The following FLRT2 variants were observed in gnomAD, a reference collection of about 807,000 sequenced individuals.
FLRT2 encodes fibronectin leucine rich transmembrane protein 2.
Under a neutral mutation model 40.0 loss-of-function variants are expected in FLRT2, and 15 were observed. The observed-to-expected ratio is 0.38, with a 90% CI of 0.25 to 0.58. FLRT2 has a LOEUF of 0.58. Ranked by LOEUF, FLRT2 falls within the 20% of genes least tolerant of loss-of-function variation. FLRT2 has a pLI of 0.71. For missense variants in FLRT2, 726 were observed against 840.0 expected (o/e 0.86, Z 1.68); for synonymous variants, 380 against 336.8 (o/e 1.13, Z -1.41).
At chr14:85,611,087 G>A (rs752617193) in intron 1 of FLRT2, among the ~76,000 whole-genome samples, 37 of 152,064 alleles carry the variant, frequency 2.4e-4, no homozygotes, top group Admixed American at 9.8e-4. Context: ...GTAGAGACAG[G>A]GTTTCACCAT....
At chr14:85,587,956 G>T (rs1192094742) in intron 1 of FLRT2, among the ~76,000 whole-genome samples, 1 of 151,790 alleles carries the variant, frequency 6.6e-6, no homozygotes, top group Non-Finnish European at 1.5e-5. Flanking sequence ...TTTTGAGATG[G>T]AGTCTTGCTC....
At chr14:85,600,146 T>C (rs17713019) in intron 1 of FLRT2, among the ~76,000 whole-genome samples, 3,262 of 152,288 alleles carry the variant, frequency 0.021, 59 homozygotes, top group South Asian at 0.081. Context: ...AATGATTCAT[T>C]TGGGCGATAA....
Position 85,592,771 on chromosome 14 carries a change from A to G in FLRT2, c.-376-28368A>G, listed in dbSNP as rs540217509. 2.5e-3 allele frequency among the ~76,000 whole-genome samples: 345 copies of G among 138,618 alleles called. 7 individuals are homozygous for G. The highest frequency in any genetic ancestry group is 3.1e-3 in the Admixed American group (40 of 12,944). The allele number at this position is 138,618 out of a possible 152,430, so 90.9% of individuals were successfully genotyped here. Reference sequence around the variant, plus strand: ...CCCATTGCACTCCAGCCTGGGTGACAGGAGCGAAACTCCGTCTCAAAAAAA... The same window carrying G: ...CCCATTGCACTCCAGCCTGGGTGACGGGAGCGAAACTCCGTCTCAAAAAAA... On this transcript the variant is annotated intron_variant, in intron 1 of 1. Transcript: ENST00000330753.
intron 1 of FLRT2, chr14:85,562,619 T>TTTTTTTG (rs1890408497): frequency 9.3e-6 from 1 of 106,964 alleles, no homozygotes; most frequent in Non-Finnish European, 1.8e-5. Flanking sequence ...TTTCTTTCTT[T>TTTTTTTG]CTTTTTTTTT....
intron 1 of FLRT2, among the ~76,000 whole-genome samples, chr14:85,542,726 GC>G (rs1472364459): frequency 6.6e-6 from 1 of 152,148 alleles, no homozygotes; most frequent in Non-Finnish European, 1.5e-5. Context: ...GTCCAGTGGT[GC>G]TGACAGCAAT....
intron 1 of FLRT2, among the ~76,000 whole-genome samples, chr14:85,585,567 A>G (rs910452297): frequency 1.6e-4 from 25 of 152,168 alleles, no homozygotes; most frequent in African/African-American, 5.8e-4. Flanking sequence ...TAATCTCAGC[A>G]CACAGAAAGA....
rs1032473262 is a variant in FLRT2, at chr14:85,652,487, T to G, written c.*28990T>G. ...ATAGGAAAATTCTTTTTTGAGAATT[T>G]TTTTCTTATAACGTTCTTCATCTGA... On this transcript the variant is annotated 3_prime_UTR_variant, in exon 2 of 2. Transcript: ENST00000330753. 2 of 152,014 alleles carry G rather than the reference T, an allele frequency of 1.3e-5. No individual in the cohort carries two copies. Among genetic ancestry groups the G allele is most frequent in the Non-Finnish European group, 2.9e-5 (2 of 67,984 alleles). The allele number at this position is 152,014 out of a possible 1,614,324, so 9.4% of individuals were successfully genotyped here. A position where few individuals can be genotyped will look rare whatever the true frequency, so the allele number is the denominator to read the frequency against.
intron 1 of FLRT2, among the ~76,000 whole-genome samples, chr14:85,572,945 C>T (rs1054961379): frequency 6.6e-6 from 1 of 152,070 alleles, no homozygotes; most frequent in Non-Finnish European, 1.5e-5. Context: ...GTTTTTGTCA[C>T]TCACTACTTT....
rs1047797269 is a variant in FLRT2, at chr14:85,633,369, G to A, written c.*9872G>A. The A allele has an allele frequency of 3.3e-5, 5 of 152,102 alleles. No homozygotes were observed. Among genetic ancestry groups the A allele is most frequent in the Non-Finnish European group, 7.4e-5 (5 of 68,022 alleles). 9.4% of individuals were successfully genotyped at this position (152,102 alleles called of 1,614,324 possible). On this transcript the variant is annotated 3_prime_UTR_variant, in exon 2 of 2. Transcript: ENST00000330753. ...GAAAGAGAACAGACTTCTTTATAAT[G>A]TAGCATATATTCTATCTGGTTGCTA...
rs1419786012 is a variant in FLRT2 at position 85,632,323 on chromosome 14, T to G, written c.*8826T>G. 1.3e-5 allele frequency: 2 copies of G among 151,592 alleles called. No homozygotes were observed. The highest frequency in any genetic ancestry group is 4.8e-5 in the African/African-American group (2 of 41,290). The allele number at this position is 151,592 out of a possible 1,614,324, so 9.4% of individuals were successfully genotyped here. ...TGTCTCTACTAAAAATACAAAAAAT[T>G]TAGCCGGGCTTGGTGGTGCGTGCCT... On this transcript the variant is annotated 3_prime_UTR_variant, in exon 2 of 2. Coordinates refer to ENST00000330753, the MANE Select transcript of FLRT2 (RefSeq NM_013231.6).
chr14:85,533,040 G>A (rs1367671391), intron 1 of FLRT2, among the ~76,000 whole-genome samples: 3 of 152,194 alleles, frequency 2.0e-5, no homozygotes, highest in African/African-American at 7.2e-5. Flanking sequence ...TTTCAGAGAG[G>A]ACAGGGTTAA....
intron 1 of FLRT2, among the ~76,000 whole-genome samples, chr14:85,554,427 G>C (rs1889832240): frequency 6.6e-6 from 1 of 152,202 alleles, no homozygotes; most frequent in Non-Finnish European, 1.5e-5. Flanking sequence ...AGGATGTACA[G>C]TATTTTCATT....
At chr14:85,565,995 A>C (rs1890599985) in intron 1 of FLRT2, among the ~76,000 whole-genome samples, 1 of 152,100 alleles carries the variant, frequency 6.6e-6, no homozygotes, top group East Asian at 1.9e-4. Flanking sequence ...GTCAACTGCC[A>C]CCCCTCCCAC....
At chr14:85,565,561 T>A (rs1890580681) in intron 1 of FLRT2, among the ~76,000 whole-genome samples, 1 of 152,212 alleles carries the variant, frequency 6.6e-6, no homozygotes, top group Admixed American at 6.5e-5. Flanking sequence ...TTTTTTTATT[T>A]ATTTAAATTT....
At chr14:85,597,945 T>C (rs900538686) in intron 1 of FLRT2, among the ~76,000 whole-genome samples, 1 of 152,226 alleles carries the variant, frequency 6.6e-6, no homozygotes, top group African/African-American at 2.4e-5. Flanking sequence ...CAAAGTGGTT[T>C]ATTTACAGTC....
Position 85,651,302 on chromosome 14 carries a change from T to G in FLRT2, c.*27805T>G, listed in dbSNP as rs891862287. On this transcript the variant is annotated 3_prime_UTR_variant, in exon 2 of 2. Transcript: ENST00000330753. Reference sequence around the variant, plus strand: ...GTGTGTGTGTGTGTATTTGTTGTGATTTGTTTTTATGTTTTAGCAATTTGG... The same window carrying G: ...GTGTGTGTGTGTGTATTTGTTGTGAGTTGTTTTTATGTTTTAGCAATTTGG... 4 of 151,826 alleles carry G rather than the reference T, an allele frequency of 2.6e-5. No individual in the cohort carries two copies. Among genetic ancestry groups the G allele is most frequent in the Non-Finnish European group, 5.9e-5 (4 of 67,868 alleles). The allele number at this position is 151,826 out of a possible 1,614,324, so 9.4% of individuals were successfully genotyped here.
intron 1 of FLRT2, among the ~76,000 whole-genome samples, chr14:85,544,434 A>G (rs1164025165): frequency 6.6e-6 from 1 of 152,236 alleles, no homozygotes; most frequent in Non-Finnish European, 1.5e-5. Context: ...GGCATAATTA[A>G]CAAGAGCAAA....
At chr14:85,563,293 G>T (rs763650327) in intron 1 of FLRT2, among the ~76,000 whole-genome samples, 1 of 152,154 alleles carries the variant, frequency 6.6e-6, no homozygotes, top group Non-Finnish European at 1.5e-5. Context: ...AATGAGACTG[G>T]ATGTGTCTGA....
Position 85,627,467 on chromosome 14 carries a change from A to AT in FLRT2, c.*3977dup, listed in dbSNP as rs747237734. On this transcript the variant is annotated 3_prime_UTR_variant, in exon 2 of 2. Transcript: ENST00000330753. ...TGATACCGTTGTTATAACAAAACAAATTTTTTTACTATAGTTTTTTGTTTT... is the reference window on the plus strand; with the variant it reads ...TGATACCGTTGTTATAACAAAACAAATTTTTTTTACTATAGTTTTTTGTTTT... 3 of 166,966 alleles carry AT rather than the reference A, an allele frequency of 1.8e-5. No homozygotes were observed. The South Asian group carries it at 6.2e-4, about 35-fold the overall frequency. 10.3% of individuals were successfully genotyped at this position (166,966 alleles called of 1,614,324 possible). A position where few individuals can be genotyped will look rare whatever the true frequency, so the allele number is the denominator to read the frequency against.
Sources: allele counts gnomAD v4.1 joint callset (sites outside exome capture counted in the v4.1 genomes callset), GRCh38; gene constraint gnomAD v4.1.1; transcripts MANE v1.5; gene names NCBI Gene and HGNC (gene_info 2026-07-23, HGNC 2026-07-21).